The following TBC1D1 variants were observed in gnomAD, a reference collection of about 807,000 sequenced individuals.
TBC1D1 encodes the protein TBC1 (tre-2/USP6, BUB2, cdc16) domain family, member 1.
In TBC1D1, 89 loss-of-function variants were observed where a neutral mutation model predicts 125.6. The observed-to-expected ratio is 0.71, with a 90% confidence interval of 0.60 to 0.85. TBC1D1 has a LOEUF of 0.85. TBC1D1 is among the 40% of genes least tolerant of loss of function. The pLI is 0.00. For missense variants in TBC1D1, 1,377 were observed against 1,469.2 expected, an observed-to-expected ratio of 0.94 and a Z score of 1.03; for synonymous variants, 565 against 564.1, an observed-to-expected ratio of 1.00 and a Z score of -0.02.
At chr4:38,015,970 A>T (rs1742630556) in intron 3 of TBC1D1, among the ~76,000 whole-genome samples, 1 of 152,134 alleles carries the variant, frequency 6.6e-6, no homozygotes, top group African/African-American at 2.4e-5. Flanking sequence ...TGCATCTTTT[A>T]AAAAAACTTC....
At chr4:38,052,130 C>A in intron 11 of TBC1D1, 70 bp downstream of exon 12, 1 of 1,474,436 alleles carries the variant, frequency 6.8e-7, no homozygotes. Flanking sequence ...TGAGGATGTG[C>A]TGAATGGGGG....
At chr4:37,895,242 G>A (rs1714305374) in intron 1 of TBC1D1, among the ~76,000 whole-genome samples, 2 of 152,170 alleles carry the variant, frequency 1.3e-5, no homozygotes, top group South Asian at 4.1e-4. Flanking sequence ...CTATGATAAT[G>A]TGTTGGTAAC....
intron 2 of TBC1D1, among the ~76,000 whole-genome samples, chr4:37,981,361 A>G (rs1734303563): frequency 6.6e-6 from 1 of 152,202 alleles, no homozygotes; most frequent in Non-Finnish European, 1.5e-5. Context: ...CCATTCATTC[A>G]ACAGGTCATT....
chr4:38,027,361 G>A (rs991456441), intron 6 of TBC1D1, among the ~76,000 whole-genome samples: 3 of 152,192 alleles, frequency 2.0e-5, no homozygotes, highest in Admixed American at 6.5e-5. Flanking sequence ...AGTGGCTCAC[G>A]CCTGTAATCC....
chr4:38,083,561 G>A (rs915894987), intron 12 of TBC1D1, among the ~76,000 whole-genome samples: 4 of 152,182 alleles, frequency 2.6e-5, no homozygotes, highest in Non-Finnish European at 5.9e-5. Flanking sequence ...CTGTGTGCAG[G>A]CTTGTTTTTT....
chr4:38,036,500 A>G (rs1175600687), intron 8 of TBC1D1, among the ~76,000 whole-genome samples: 20 of 152,240 alleles, frequency 1.3e-4, no homozygotes. Context: ...TCAGTTTCCC[A>G]AAAGTATGTT....
chr4:38,093,887 A>G (rs2152543751), intron 13 of TBC1D1, among the ~76,000 whole-genome samples: 1 of 152,318 alleles, frequency 6.6e-6, no homozygotes, highest in South Asian at 2.1e-4. Flanking sequence ...AGATCACAAC[A>G]TGTGATTCAA....
chr4:38,009,928 T>G (rs1291937314), intron 2 of TBC1D1, among the ~76,000 whole-genome samples: 1 of 152,164 alleles, frequency 6.6e-6, no homozygotes, highest in Non-Finnish European at 1.5e-5. Flanking sequence ...GTGCTATAGT[T>G]GGTTTTGATT....
chr4:38,105,013 T>C lies in TBC1D1; in HGVS notation c.2557+1856T>C, dbSNP rs952797632. On this transcript the variant is annotated intron_variant, in intron 15 of 19. Transcript: ENST00000261439. ...CTCGTGATCCTCCCGCCTTGGCCTC[T>C]CAAAGTGCTGGGATTACAGGCGTGA... Among the ~76,000 whole-genome samples the C allele has an allele frequency of 2.0e-4, 31 of 152,148 alleles. No individual in the cohort carries two copies. The East Asian group carries it at 2.5e-3, about 12-fold the overall frequency.
chr4:38,133,034 GT>G lies in TBC1D1; in HGVS notation c.3133-49del, dbSNP rs1765857761. 1.9e-6 allele frequency: 3 copies of G among 1,556,712 alleles called. No homozygotes were observed. In the African/African-American group the frequency reaches 4.1e-5, roughly 21 times the overall value. On this transcript the variant is annotated intron_variant, in intron 18 of 19. Transcript: ENST00000261439. ...TGATTGCAGACGCCTGCCTGTACTT[GT>G]GGGGTTTTTCTCAGTTTTAGTACGT...
intron 2 of TBC1D1, among the ~76,000 whole-genome samples, chr4:37,969,312 G>A (rs902469770): frequency 1.3e-5 from 2 of 152,122 alleles, no homozygotes; most frequent in South Asian, 2.1e-4. Context: ...AATTTGCTGT[G>A]CATCTACTAT....
chr4:38,077,659 A>G (rs887900032), intron 12 of TBC1D1, among the ~76,000 whole-genome samples: 1 of 141,124 alleles, frequency 7.1e-6, no homozygotes, highest in African/African-American at 2.7e-5. Flanking sequence ...GCCTTCAATG[A>G]ATTTTGTCTG....
Position 37,902,005 on chromosome 4 carries a change from T to C in TBC1D1, c.-91T>C. 7.6e-7 allele frequency: 1 copy of C among 1,307,396 alleles called. No individual in the cohort carries two copies. Among genetic ancestry groups the C allele is most frequent in the Non-Finnish European group, 1.0e-6 (1 of 955,876 alleles). The allele number at this position is 1,307,396 out of a possible 1,614,324, so 81.0% of individuals were successfully genotyped here. ...ATGCCTCTGGTTTTCTCCCCCAGGTTTCTGCATATGAAGTGTGTAAAATAG... is the reference window on the plus strand; with the variant it reads ...ATGCCTCTGGTTTTCTCCCCCAGGTCTCTGCATATGAAGTGTGTAAAATAG... On this transcript the variant is annotated splice_region_variant and 5_prime_UTR_variant, in exon 2 of 20. Coordinates refer to ENST00000261439, the MANE Select transcript of TBC1D1 (RefSeq NM_015173.4).
intron 2 of TBC1D1, among the ~76,000 whole-genome samples, chr4:37,981,011 C>T (rs184401635): frequency 3.9e-5 from 6 of 152,054 alleles, no homozygotes; most frequent in African/African-American, 7.2e-5. Context: ...GGCACGATCT[C>T]GGCTCACTGC....
intron 11 of TBC1D1, chr4:38,051,935 C>G (rs901825423): frequency 1.9e-6 from 3 of 1,550,514 alleles, no homozygotes; most frequent in African/African-American, 2.7e-5. Flanking sequence ...CTAAGCACCG[C>G]CCAGGTCAGT....
chr4:38,004,562 A>G (rs16994139), intron 2 of TBC1D1, among the ~76,000 whole-genome samples: 7,181 of 152,282 alleles, frequency 0.047, 181 homozygotes, highest in African/African-American at 0.068. Context: ...AATGAAATCA[A>G]TGCCTTAATT....
intron 2 of TBC1D1, among the ~76,000 whole-genome samples, chr4:38,000,476 T>C (rs757573251): frequency 3.9e-5 from 6 of 152,212 alleles, no homozygotes; most frequent in Non-Finnish European, 8.8e-5. Flanking sequence ...TCCAAAATGC[T>C]CTGATGAGCA....
intron 15 of TBC1D1, among the ~76,000 whole-genome samples, chr4:38,108,872 A>AG (rs1560807676): frequency 6.6e-6 from 1 of 152,208 alleles, no homozygotes; most frequent in Admixed American, 6.5e-5. Flanking sequence ...AACCTCCAAA[A>AG]GGAAGGAATC....
At chr4:37,975,112 C>T (rs1426497254) in intron 2 of TBC1D1, among the ~76,000 whole-genome samples, 5 of 152,114 alleles carry the variant, frequency 3.3e-5, no homozygotes, top group African/African-American at 1.2e-4. Context: ...CCAGGCTGTG[C>T]TGATATTTAT....
Sources: gnomAD v4.1 joint callset for allele counts (sites outside exome capture counted in the v4.1 genomes callset) on GRCh38, gnomAD v4.1.1 for gene constraint, MANE v1.5 for transcripts, NCBI Gene and HGNC (gene_info 2026-07-23, HGNC 2026-07-21) for gene names.